Variants in PTK2 observed in about 807,000 individuals in gnomAD.
The protein encoded by PTK2 is protein tyrosine kinase 2, also known as focal adhesion kinase 1.
A neutral mutation model predicts 150.1 loss-of-function variants in PTK2; 45 were observed. That is an observed-to-expected ratio of 0.30 (90% confidence interval 0.24 to 0.38). The LOEUF is 0.38. PTK2 is among the 10% of genes least tolerant of loss of function. The pLI is 1.00. For synonymous variants in PTK2, 432 were observed against 449.2 expected (o/e 0.96, Z 0.48); for missense variants, 919 against 1,307.3 (o/e 0.70, Z 4.58).
At chr8:140,702,526 T>C in intron 25 of PTK2, 44 bp downstream of exon 28, 1 of 1,600,510 alleles carries the variant, frequency 6.2e-7, no homozygotes, top group Non-Finnish European at 8.5e-7. Context: ...AGCTTTGCCA[T>C]GCTTTATAAG....
At chr8:140,939,771 T>C (rs1364106382) in intron 1 of PTK2, among the ~76,000 whole-genome samples, 1 of 152,230 alleles carries the variant, frequency 6.6e-6, no homozygotes, top group Non-Finnish European at 1.5e-5. Context: ...GCTTATACAA[T>C]GAAAAATTAT....
At chr8:140,913,578 G>A (rs2100164070) in intron 2 of PTK2, among the ~76,000 whole-genome samples, 1 of 152,046 alleles carries the variant, frequency 6.6e-6, no homozygotes, top group South Asian at 2.1e-4. Flanking sequence ...TTACAGGTGT[G>A]AGCCACTGAG....
chr8:140,983,374 C>T (rs906476238), intron 1 of PTK2, among the ~76,000 whole-genome samples: 7 of 107,840 alleles, frequency 6.5e-5, no homozygotes, highest in South Asian at 3.2e-4. Context: ...GAGTAAGACT[C>T]CATCTCAAAA....
intron 9 of PTK2, 41 bp from the exon 10 acceptor site, chr8:140,818,395 G>C (rs189442019): frequency 6.5e-7 from 1 of 1,531,886 alleles, no homozygotes; most frequent in Non-Finnish European, 9.0e-7. Context: ...GTGGCAGAAG[G>C]AAAAAAGAAA....
chr8:140,851,120 ACT>A (rs1266147188), intron 5 of PTK2, among the ~76,000 whole-genome samples: 1 of 152,202 alleles, frequency 6.6e-6, no homozygotes, highest in East Asian at 1.9e-4. Flanking sequence ...AAGTAATTTT[ACT>A]CTTAGAGCCT....
At chr8:140,768,844 C>T (rs759687792) in intron 14 of PTK2, among the ~76,000 whole-genome samples, 6 of 152,076 alleles carry the variant, frequency 3.9e-5, no homozygotes, top group Non-Finnish European at 5.9e-5. Context: ...CTGCTTAGCT[C>T]GTTATACTCG....
chr8:140,931,708 G>A (rs2100171835), intron 1 of PTK2, among the ~76,000 whole-genome samples: 1 of 152,046 alleles, frequency 6.6e-6, no homozygotes, highest in Admixed American at 6.5e-5. Context: ...GCCAAGGCAG[G>A]AGGATCACTT....
At chr8:140,667,225 T>C (rs7016497) in intron 30 of PTK2, among the ~76,000 whole-genome samples, 123,347 of 152,082 alleles carry the variant, frequency 0.81, 50,389 homozygotes, top group African/African-American at 0.85. Context: ...TACCTAATGC[T>C]TCTGAAATGT....
chr8:140,805,882 C>T (rs754983403), intron 10 of PTK2, among the ~76,000 whole-genome samples: 41 of 152,194 alleles, frequency 2.7e-4, no homozygotes, highest in Non-Finnish European at 6.0e-4. Context: ...AGCATCATAA[C>T]TTGCATGATT....
At chr8:140,665,039 A>G (rs775884708) in intron 30 of PTK2, 42 bp from the exon 35 acceptor site, 1 of 1,534,272 alleles carries the variant, frequency 6.5e-7, no homozygotes, top group Non-Finnish European at 8.9e-7. Flanking sequence ...ACACACACAA[A>G]GGATTTTTAT....
chr8:140,830,128 C>A (rs1302862791), intron 8 of PTK2, among the ~76,000 whole-genome samples: 1 of 152,048 alleles, frequency 6.6e-6, no homozygotes, highest in Non-Finnish European at 1.5e-5. Context: ...ATGATTCCAC[C>A]ACCACGATTA....
intron 29 of PTK2, 74 bp downstream of exon 33, chr8:140,669,653 G>A: frequency 6.7e-7 from 1 of 1,489,690 alleles, no homozygotes; most frequent in Non-Finnish European, 9.0e-7. Flanking sequence ...CTGCTTTCCA[G>A]TCCAAAGTTA....
At chr8:140,953,196 C>T (rs928619248) in intron 1 of PTK2, among the ~76,000 whole-genome samples, 44 of 152,268 alleles carry the variant, frequency 2.9e-4, no homozygotes, top group East Asian at 9.6e-4. Context: ...TCCTAGTCCC[C>T]CCCAGTAGAT....
At chr8:140,792,318 GC>G (rs2100088969) in intron 13 of PTK2, among the ~76,000 whole-genome samples, 1 of 152,154 alleles carries the variant, frequency 6.6e-6, no homozygotes, top group African/African-American at 2.4e-5. Flanking sequence ...AAAACCCTAG[GC>G]ACCAAGTCTC....
chr8:140,887,014 G>A (rs997106228), intron 3 of PTK2, among the ~76,000 whole-genome samples: 2 of 152,206 alleles, frequency 1.3e-5, no homozygotes, highest in Non-Finnish European at 2.9e-5. Flanking sequence ...AGAGCTGCCT[G>A]AAGCACGGTA....
At chr8:140,884,892 T>C (rs1291354919) in intron 3 of PTK2, among the ~76,000 whole-genome samples, 1 of 152,202 alleles carries the variant, frequency 6.6e-6, no homozygotes, top group Admixed American at 6.5e-5. Flanking sequence ...TTTTTTTCCA[T>C]TTACTATTAC....
Position 140,798,641 on chromosome 8 carries a change from T to C in PTK2, c.1093+1818A>G, listed in dbSNP as rs555269585. ...TGGAAGGCTCATTTAATGCCTGACATCCGAATGTTATTTTTAAATGTGTAT... is the reference window on the plus strand; with the variant it reads ...TGGAAGGCTCATTTAATGCCTGACACCCGAATGTTATTTTTAAATGTGTAT... On this transcript the variant is annotated intron_variant, in intron 12 of 31. Coordinates refer to ENST00000522684, the Ensembl canonical transcript of PTK2. 2.3e-4 allele frequency among the ~76,000 whole-genome samples: 35 copies of C among 152,290 alleles called. No individual in the cohort carries two copies. The South Asian group carries it at 2.5e-3, about 11-fold the overall frequency.
At chr8:140,876,148 CTATCT>C (rs2100145352) in intron 4 of PTK2, among the ~76,000 whole-genome samples, 1 of 152,006 alleles carries the variant, frequency 6.6e-6, no homozygotes, top group Non-Finnish European at 1.5e-5. Flanking sequence ...AAATCAGTTA[CTATCT>C]TGTTTCATGG....
intron 22 of PTK2, among the ~76,000 whole-genome samples, chr8:140,722,510 C>T (rs1490460961): frequency 6.6e-6 from 1 of 152,156 alleles, no homozygotes; most frequent in South Asian, 2.1e-4. Flanking sequence ...TGGAGTGATC[C>T]TCCCACCTCA....
Sources: allele counts gnomAD v4.1 joint callset (sites outside exome capture counted in the v4.1 genomes callset), GRCh38; gene constraint gnomAD v4.1.1; transcripts MANE v1.5; gene names NCBI Gene and HGNC (gene_info 2026-07-23, HGNC 2026-07-21).